Variants in SEL1L2 observed in about 807,000 individuals in gnomAD.
SEL1L2 encodes SEL1L2 adaptor subunit of SYVN1 ubiquitin ligase.
Under a neutral mutation model 98.8 loss-of-function variants are expected in SEL1L2, and 89 were observed. The ratio of observed to expected loss-of-function variants is 0.90; its 90% CI spans 0.76 to 1.07. The LOEUF (loss-of-function observed/expected upper bound fraction) is 1.07, where lower values mean the gene tolerates loss of function less well. Among genes scored for constraint, SEL1L2 ranks in the 50% least tolerant of loss-of-function variants. The pLI is 0.00. For missense variants in SEL1L2, 788 were observed against 812.0 expected, an observed-to-expected ratio of 0.97 and a Z score of 0.36; for synonymous variants, 262 against 278.5, an observed-to-expected ratio of 0.94 and a Z score of 0.59.
At chr20:13,952,890 G>A (rs1600896487) in intron 2 of SEL1L2, among the ~76,000 whole-genome samples, 1 of 152,308 alleles carries the variant, frequency 6.6e-6, no homozygotes. Context: ...TTAGCTGGGT[G>A]TGGTGGCGTG....
At chr20:13,929,736 G>A (rs113281654) in intron 3 of SEL1L2, among the ~76,000 whole-genome samples, 3 of 151,008 alleles carry the variant, frequency 2.0e-5, no homozygotes, top group South Asian at 2.1e-4. Context: ...TCCTGACCTC[G>A]TGATCCTCCC....
intron 14 of SEL1L2, among the ~76,000 whole-genome samples, chr20:13,867,900 G>A (rs1025648556): frequency 5.9e-5 from 9 of 151,978 alleles, no homozygotes; most frequent in East Asian, 1.9e-4. Context: ...CTGGGCCACC[G>A]TGGAAAATGC....
chr20:13,853,521 C>A (rs903365118), intron 18 of SEL1L2, among the ~76,000 whole-genome samples: 1 of 152,078 alleles, frequency 6.6e-6, no homozygotes. Context: ...GCCTAGTCTA[C>A]AATATTTTTA....
intron 1 of SEL1L2, among the ~76,000 whole-genome samples, chr20:13,958,781 A>C (rs1020991456): frequency 2.1e-3 from 301 of 143,786 alleles, no homozygotes; most frequent in Non-Finnish European, 3.5e-3. Context: ...CTAAAAATAC[A>C]AAAAAAAAAA....
intron 5 of SEL1L2, among the ~76,000 whole-genome samples, chr20:13,910,394 T>C (rs997884950): frequency 2.6e-5 from 4 of 152,232 alleles, no homozygotes; most frequent in African/African-American, 9.6e-5. Context: ...AGATAATAGA[T>C]ACAGGTTTGG....
intron 18 of SEL1L2, 112 bp downstream of exon 18, chr20:13,859,150 C>A: frequency 1.6e-5 from 16 of 975,426 alleles, no homozygotes; most frequent in South Asian, 3.4e-5. Flanking sequence ...ATGTTAAGTC[C>A]TCTCCTTCCT....
chr20:13,916,176 T>C (rs1005049768), intron 4 of SEL1L2, among the ~76,000 whole-genome samples: 1 of 152,176 alleles, frequency 6.6e-6, no homozygotes, highest in Non-Finnish European at 1.5e-5. Context: ...AATAAATGAA[T>C]GAATGAATTG....
chr20:13,874,933 C>T (rs890960342), intron 12 of SEL1L2, among the ~76,000 whole-genome samples: 1 of 152,116 alleles, frequency 6.6e-6, no homozygotes, highest in Non-Finnish European at 1.5e-5. Flanking sequence ...CAAGAGCAGG[C>T]CGATGGGTGT....
intron 2 of SEL1L2, among the ~76,000 whole-genome samples, chr20:13,943,591 C>T (rs542404401): frequency 2.0e-5 from 3 of 151,350 alleles, no homozygotes; most frequent in African/African-American, 7.3e-5. Context: ...GACATTCATT[C>T]ATTCACAAAT....
intron 2 of SEL1L2, among the ~76,000 whole-genome samples, chr20:13,940,824 C>A (rs879262948): frequency 6.6e-6 from 1 of 151,976 alleles, no homozygotes; most frequent in Non-Finnish European, 1.5e-5. Flanking sequence ...TGCTTGAACC[C>A]GGGAGGCGGA....
At chr20:13,888,635 C>CTTTTTTTTTTTTTTTTT (rs71188192) in intron 5 of SEL1L2, 123 bp from the exon 6 acceptor site, 2 of 181,986 alleles carry the variant, frequency 1.1e-5, no homozygotes, top group Non-Finnish European at 1.9e-5. Flanking sequence ...CTTTCTTTCT[C>CTTTTTTTTTTTTTTTTT]TTTTTTTTTT....
At chr20:13,977,659 A>C (rs2051608816) in intron 1 of SEL1L2, among the ~76,000 whole-genome samples, 3 of 152,194 alleles carry the variant, frequency 2.0e-5, no homozygotes, top group South Asian at 4.1e-4. Flanking sequence ...TGAAGCTGAG[A>C]TAAAGCTGAT....
chr20:13,872,941 T>G (rs1310776731), intron 12 of SEL1L2, among the ~76,000 whole-genome samples: 1 of 151,958 alleles, frequency 6.6e-6, no homozygotes, highest in Non-Finnish European at 1.5e-5. Flanking sequence ...AGCTGGTTGG[T>G]GCCACATGGA....
At chr20:13,990,809 G>C (rs185037788), upstream of SEL1L2, among the ~76,000 whole-genome samples, 4 of 152,362 alleles carry the variant, frequency 2.6e-5, no homozygotes, top group East Asian at 7.7e-4. Flanking sequence ...AACATGAAAG[G>C]AAGGGACCAG....
chr20:13,937,684 A>C (rs562811446), intron 2 of SEL1L2, among the ~76,000 whole-genome samples: 1 of 152,206 alleles, frequency 6.6e-6, no homozygotes, highest in Non-Finnish European at 1.5e-5. Flanking sequence ...ACCTCCTAGT[A>C]CATCACATAT....
chr20:13,925,238 T>C (rs2048837503), intron 3 of SEL1L2, among the ~76,000 whole-genome samples: 1 of 152,196 alleles, frequency 6.6e-6, no homozygotes, highest in South Asian at 2.1e-4. Context: ...AAGTCTTCCT[T>C]TGTGGGAATT....
In SEL1L2 at chr20:13,915,480, G is replaced by A. The variant is rs76233307; in HGVS notation, c.387-1536C>T. 4.5e-3 allele frequency among the ~76,000 whole-genome samples: 690 copies of A among 152,310 alleles called. 5 individuals are homozygous for A. Among genetic ancestry groups the A allele is most frequent in the African/African-American group, 0.016 (655 of 41,578 alleles). Reference sequence around the variant, plus strand: ...AGACTCCCTTGAGCCTTTCTGTCACGTGGCTTGCTGCTGCAACTCTATAGC... The same window carrying A: ...AGACTCCCTTGAGCCTTTCTGTCACATGGCTTGCTGCTGCAACTCTATAGC... On this transcript the variant is annotated intron_variant, in intron 4 of 19. Transcript: ENST00000284951.
chr20:13,983,701 A>C (rs1485256228), intron 1 of SEL1L2, among the ~76,000 whole-genome samples: 2 of 151,816 alleles, frequency 1.3e-5, no homozygotes. Flanking sequence ...TTGTATTTTT[A>C]GTAGAGACGG....
At chr20:13,973,238 G>A (rs984317741) in intron 1 of SEL1L2, 5 of 152,040 alleles carry the variant, frequency 3.3e-5, no homozygotes, top group African/African-American at 1.2e-4. Context: ...ACCTGTTCTT[G>A]TTTCATGGAT....
Sources: gnomAD v4.1 joint callset for allele counts (sites outside exome capture counted in the v4.1 genomes callset) on GRCh38, gnomAD v4.1.1 for gene constraint, MANE v1.5 for transcripts, NCBI Gene and HGNC (gene_info 2026-07-23, HGNC 2026-07-21) for gene names.